Variants in PRIM2 observed in about 807,000 individuals in gnomAD.
The protein encoded by PRIM2 is DNA primase large subunit.
Under a neutral mutation model 67.3 loss-of-function variants are expected in PRIM2, and 39 were observed. The ratio of observed to expected loss-of-function variants is 0.58; its 90% CI spans 0.45 to 0.76. The LOEUF is 0.76. Among genes scored for constraint, PRIM2 ranks in the 30% least tolerant of loss-of-function variants. The probability of loss-of-function intolerance (pLI) is 0.00; values close to 1 mark genes in which losing one functional copy is unlikely to be tolerated. For missense variants in PRIM2, 398 were observed against 598.7 expected, an observed-to-expected ratio of 0.66 and a Z score of 3.50; for synonymous variants, 143 against 198.7, an observed-to-expected ratio of 0.72 and a Z score of 2.36.
intron 10 of PRIM2, among the ~76,000 whole-genome samples, chr6:57,561,117 A>G (rs1775619177): frequency 6.6e-6 from 1 of 152,166 alleles, no homozygotes; most frequent in African/African-American, 2.4e-5. Flanking sequence ...GTTCTTCTGG[A>G]TAACTTGCTG....
rs181020265 is a variant in PRIM2, at chr6:57,325,826, G to A, written c.339-99G>A. Reference sequence around the variant, plus strand: ...GCATGTTTTTAACTGCTGTCCATTGGCATCTTGCTGATGTTTGAATATTGT... The same window carrying A: ...GCATGTTTTTAACTGCTGTCCATTGACATCTTGCTGATGTTTGAATATTGT... On this transcript the variant is annotated intron_variant, in intron 4 of 13. Coordinates refer to ENST00000615550, the MANE Select transcript of PRIM2 (RefSeq NM_000947.5). 2.1e-5 allele frequency: 25 copies of A among 1,215,620 alleles called. No individual in the cohort carries two copies. In the Admixed American group the frequency reaches 5.2e-4, roughly 25 times the overall value. 75.3% of individuals were successfully genotyped at this position (1,215,620 alleles called of 1,614,324 possible). A position where few individuals can be genotyped will look rare whatever the true frequency, so the allele number is the denominator to read the frequency against.
chr6:57,384,720 A>G (rs1187775867), intron 7 of PRIM2, among the ~76,000 whole-genome samples: 1 of 152,082 alleles, frequency 6.6e-6, no homozygotes, highest in Non-Finnish European at 1.5e-5. Flanking sequence ...GAATGGGGAG[A>G]GGGGAGAATG....
intron 13 of PRIM2, among the ~76,000 whole-genome samples, chr6:57,633,946 C>A: frequency 6.6e-6 from 1 of 152,174 alleles, no homozygotes; most frequent in Non-Finnish European, 1.5e-5. Context: ...TTAATGTATA[C>A]CAGGCACAGC....
intron 10 of PRIM2, among the ~76,000 whole-genome samples, chr6:57,539,646 GTGTGTGTGTGTATA>G (rs1361047613): frequency 7.9e-5 from 6 of 75,732 alleles, no homozygotes; most frequent in East Asian, 4.2e-4. Context: ...GTGTGTGTGT[GTGTGTGTGTGTATA>G]TATATATATA....
At chr6:57,257,846 C>G in the PRIM2 span, among the ~76,000 whole-genome samples, 1 of 152,152 alleles carries the variant, frequency 6.6e-6, no homozygotes, top group African/African-American at 2.4e-5. Flanking sequence ...ATAGTGAATT[C>G]TCCCTAATGT....
chr6:57,313,570 C>T (rs567072381), upstream of PRIM2, among the ~76,000 whole-genome samples: 5 of 152,254 alleles, frequency 3.3e-5, no homozygotes, highest in African/African-American at 1.2e-4. Context: ...CAATCTAAAG[C>T]AAATGGAGAG....
chr6:57,461,641 G>A (rs1158207819), intron 7 of PRIM2, among the ~76,000 whole-genome samples: 1 of 152,000 alleles, frequency 6.6e-6, no homozygotes, highest in African/African-American at 2.4e-5. Context: ...CTTTAATAAG[G>A]TAATAGGAAA....
the PRIM2 span, among the ~76,000 whole-genome samples, chr6:57,227,636 C>A: frequency 9.2e-6 from 1 of 108,282 alleles, no homozygotes; most frequent in Non-Finnish European, 1.9e-5. Flanking sequence ...AGGGTGAGAC[C>A]ATCTCAAAAA....
chr6:57,628,885 A>G (rs1404192547), intron 12 of PRIM2, among the ~76,000 whole-genome samples: 1 of 152,062 alleles, frequency 6.6e-6, no homozygotes, highest in African/African-American at 2.4e-5. Context: ...TTGACCCTAA[A>G]TTCTGTTTCA....
At chr6:57,422,485 G>A (rs1204840470) in intron 7 of PRIM2, among the ~76,000 whole-genome samples, 2 of 151,938 alleles carry the variant, frequency 1.3e-5, no homozygotes, top group Non-Finnish European at 2.9e-5. Context: ...TTTATGCAGT[G>A]CTTTAAAATT....
chr6:57,227,308 T>C, the PRIM2 span, among the ~76,000 whole-genome samples: 1 of 152,198 alleles, frequency 6.6e-6, no homozygotes, highest in East Asian at 1.9e-4. Flanking sequence ...TTTCAAGAGC[T>C]TATTCACAAT....
chr6:57,283,743 T>G, the PRIM2 span, among the ~76,000 whole-genome samples: 1 of 152,206 alleles, frequency 6.6e-6, no homozygotes, highest in African/African-American at 2.4e-5. Context: ...AGTTTGGCCT[T>G]CTTGATGCTT....
intron 10 of PRIM2, among the ~76,000 whole-genome samples, chr6:57,540,233 T>A (rs1441649780): frequency 6.6e-6 from 1 of 151,964 alleles, no homozygotes; most frequent in Non-Finnish European, 1.5e-5. Flanking sequence ...TGTCTGTCTG[T>A]CTTTCTGTCA....
At chr6:57,533,618 T>A (rs1168587224) in intron 9 of PRIM2, among the ~76,000 whole-genome samples, 1 of 152,242 alleles carries the variant, frequency 6.6e-6, no homozygotes, top group Non-Finnish European at 1.5e-5. Flanking sequence ...GTCCACTTTC[T>A]CACTTCCACT....
At chr6:57,308,181 T>C in the PRIM2 span, among the ~76,000 whole-genome samples, 1 of 151,760 alleles carries the variant, frequency 6.6e-6, no homozygotes, top group Non-Finnish European at 1.5e-5. Context: ...CCAGCAGGAG[T>C]GCAGTGGCAG....
chr6:57,630,033 GGA>G (rs1225944435), intron 12 of PRIM2, among the ~76,000 whole-genome samples: 5 of 149,110 alleles, frequency 3.4e-5, no homozygotes, highest in Non-Finnish European at 7.4e-5. Flanking sequence ...CTCACCCTCA[GGA>G]GACAGATACT....
the PRIM2 span, among the ~76,000 whole-genome samples, chr6:57,278,363 T>C: frequency 6.6e-6 from 1 of 152,134 alleles, no homozygotes; most frequent in Non-Finnish European, 1.5e-5. Flanking sequence ...TACCTAAAGG[T>C]AGCCTTATGC....
At chr6:57,612,118 G>A (rs1425603616) in intron 12 of PRIM2, among the ~76,000 whole-genome samples, 2 of 152,200 alleles carry the variant, frequency 1.3e-5, no homozygotes, top group East Asian at 1.9e-4. Flanking sequence ...GTGACTGAAA[G>A]TCTCATACAA....
chr6:57,274,647 ACTGT>A, the PRIM2 span, among the ~76,000 whole-genome samples: 2 of 152,144 alleles, frequency 1.3e-5, no homozygotes, highest in African/African-American at 4.8e-5. Flanking sequence ...GCACCCACTC[ACTGT>A]CTGGCACACC....
Sources: allele counts gnomAD v4.1 joint callset (sites outside exome capture counted in the v4.1 genomes callset), GRCh38; gene constraint gnomAD v4.1.1; transcripts MANE v1.5; gene names NCBI Gene and HGNC (gene_info 2026-07-23, HGNC 2026-07-21).